Variants in BEX2 observed in about 807,000 individuals in gnomAD.
The protein encoded by BEX2 is brain expressed X-linked 2.
Under a neutral mutation model 4.1 loss-of-function variants are expected in BEX2, and 2 were observed. The observed-to-expected ratio is 0.49, with a 90% CI of 0.20 to 1.53. The LOEUF is 1.53. Among genes scored for constraint, BEX2 ranks in the 40% most tolerant of loss-of-function variants. The probability of loss-of-function intolerance (pLI) is 0.23; values close to 1 mark genes in which losing one functional copy is unlikely to be tolerated. For missense variants in BEX2, 94 were observed against 99.9 expected (o/e 0.94, Z 0.25); for synonymous variants, 34 against 35.9 (o/e 0.95, Z 0.19).
rs752709902 is a variant in BEX2, at chrX:103,309,573, A to G, written c.*17T>C. On this transcript the variant is annotated 3_prime_UTR_variant, in exon 3 of 3. Coordinates refer to ENST00000372677, the MANE Select transcript of BEX2 (RefSeq NM_032621.4). ...AAGCAGGGGTCTCCCTATTAACTTC[A>G]GGGAAACCATCAGGATTCAGGGCAT... 4.1e-6 allele frequency: 5 copies of G among 1,207,390 alleles called. No individual in the cohort carries two copies. Among genetic ancestry groups the G allele is most frequent in the Non-Finnish European group, 5.6e-6 (5 of 892,876 alleles).
chrX:103,309,821 G>A lies in BEX2; in HGVS notation c.156C>T (p.Asn52=). Reference sequence around the variant, plus strand: ...GCTGCCTAACGCGGAACCGCCTACGGTTTCCTCTAGGCACACAGTATTCAC... The same window carrying A: ...GCTGCCTAACGCGGAACCGCCTACGATTTCCTCTAGGCACACAGTATTCAC... ...NVSEYCVPRG[N]RRRFRVRQPI... is the part of the protein sequence containing the mutation. The change falls in exon 3 of 3, where the codon AAC becomes AAT. Residue 52 remains asparagine, a synonymous_variant. Coordinates refer to ENST00000372677, the MANE Select transcript of BEX2 (RefSeq NM_032621.4). 4 of 1,212,044 alleles carry A rather than the reference G, an allele frequency of 3.3e-6. No homozygotes were observed. The highest frequency in any genetic ancestry group is 4.5e-6 in the Non-Finnish European group (4 of 895,595).
chrX:103,309,888 A>G lies in BEX2; in HGVS notation c.89T>C (p.Val30Ala), dbSNP rs1196645059. 5.0e-6 allele frequency: 6 copies of G among 1,211,241 alleles called. No individual in the cohort carries two copies. Among genetic ancestry groups the G allele is most frequent in the South Asian group, 3.5e-5 (2 of 56,935 alleles). ...ENDEKDEKEQ[V>A]ANKGEPLALP... ...GGCCAAGGGCTCCCCTTTATTAGCA[A>G]CTTGCTCCTTTTCATCTTTTTCATC... is the stretch of plus-strand genomic sequence containing the variant. Residue 30 changes from valine (V) to alanine (A), a missense_variant, in exon 3 of 3, where the codon GTT becomes GCT. Physicochemically the swap from Val to Ala is moderately conservative, Grantham distance 64. Transcript: ENST00000372677.
chrX:103,310,791 G>A (rs1036459512), intron 1 of BEX2, 69 bp downstream of exon 1: 1 of 465,231 alleles, frequency 2.1e-6, no homozygotes. Flanking sequence ...TGCTGCCCGG[G>A]GATGGGGCAT....
At chrX:103,310,812 G>T in intron 1 of BEX2, 48 bp downstream of exon 1, 1 of 413,667 alleles carries the variant, frequency 2.4e-6, no homozygotes, top group South Asian at 4.5e-5. Context: ...CCGCAGGCCG[G>T]GGCTGCTCCC....
chrX:103,310,075 C>A, intron 2 of BEX2, 94 bp from the exon 3 acceptor site: 2 of 1,028,710 alleles, frequency 1.9e-6, no homozygotes, highest in South Asian at 4.7e-5. Context: ...ATTCAGAGCC[C>A]TGGATTTCAA....
At chrX:103,310,623 G>A in intron 1 of BEX2, 190 bp from the exon 2 acceptor site, 1 of 1,155,547 alleles carries the variant, frequency 8.7e-7, no homozygotes, top group South Asian at 1.9e-5. Context: ...AGGGGTGTTG[G>A]AAAAGCTTGC....
intron 1 of BEX2, chrX:103,310,638 G>A: frequency 8.7e-7 from 1 of 1,153,063 alleles, no homozygotes; most frequent in South Asian, 1.9e-5. Flanking sequence ...GCTTGCGCTG[G>A]TGACGGAGGC....
chrX:103,310,852 T>A lies in BEX2; in HGVS notation c.-82+8A>T. ...ACCAACCCCAGGGACCCCCTCCGGG[T>A]CCCTTACCTGCTCCCCCTCCGCTTC... is the stretch of plus-strand genomic sequence containing the variant. On this transcript the variant is annotated splice_region_variant and intron_variant, in intron 1 of 2. Coordinates refer to ENST00000372677, the MANE Select transcript of BEX2 (RefSeq NM_032621.4). The A allele has an allele frequency of 2.9e-6, 1 of 341,019 alleles. No individual in the cohort carries two copies. The highest frequency in any genetic ancestry group is 4.9e-6 in the Non-Finnish European group (1 of 202,533). The allele number at this position is 341,019 out of a possible 1,213,427, so 28.1% of individuals were successfully genotyped here. A position where few individuals can be genotyped will look rare whatever the true frequency, so the allele number is the denominator to read the frequency against.
rs1926159258 is a variant in BEX2, at chrX:103,310,392, C to A, written c.-40G>T. On this transcript the variant is annotated 5_prime_UTR_variant, in exon 2 of 3. Coordinates refer to ENST00000372677, the MANE Select transcript of BEX2 (RefSeq NM_032621.4). ...TCCTTGCAGTCTCCTCCTCCCGATTCTCGACGTGAGGTGCGTCGCCGCAAC... is the reference window on the plus strand; with the variant it reads ...TCCTTGCAGTCTCCTCCTCCCGATTATCGACGTGAGGTGCGTCGCCGCAAC... 8.6e-7 allele frequency: 1 copy of A among 1,156,958 alleles called. No individual in the cohort carries two copies. Among genetic ancestry groups the A allele is most frequent in the South Asian group, 1.9e-5 (1 of 52,759 alleles).
chrX:103,309,863 G>A lies in BEX2; in HGVS notation c.114C>T (p.Ala38=), dbSNP rs746258517. The A allele has an allele frequency of 1.7e-6, 2 of 1,210,007 alleles. No homozygotes were observed. The highest frequency in any genetic ancestry group is 3.0e-5 in the East Asian group (1 of 33,728). ...EQVANKGEPL[A]LPLNVSEYCV... ...AGTATTCACTAACATTCAAAGGTAG[G>A]GCCAAGGGCTCCCCTTTATTAGCAA... The change falls in exon 3 of 3, where the codon GCC becomes GCT. Residue 38 remains alanine (A), a synonymous_variant. Transcript: ENST00000372677.
At chrX:103,310,610 A>C (rs1926173509) in intron 1 of BEX2, 177 bp from the exon 2 acceptor site, 5 of 1,153,663 alleles carry the variant, frequency 4.3e-6, no homozygotes, top group Non-Finnish European at 5.7e-6. Context: ...AGAAGGGCGG[A>C]GCAGGGGTGT....
In BEX2 at chrX:103,309,526, A is replaced by G. The variant is rs1295954075; in HGVS notation, c.*64T>C. 1 of 1,173,300 alleles carries G rather than the reference A, an allele frequency of 8.5e-7. No homozygotes were observed. Among genetic ancestry groups the G allele is most frequent in the African/African-American group, 1.8e-5 (1 of 56,622 alleles). Reference sequence around the variant, plus strand: ...ATCAAAACGTTTACGACAAAGGTACACCACAAATGTGTAAGTTTAGGAAGC... The same window carrying G: ...ATCAAAACGTTTACGACAAAGGTACGCCACAAATGTGTAAGTTTAGGAAGC... On this transcript the variant is annotated 3_prime_UTR_variant, in exon 3 of 3. Coordinates refer to ENST00000372677, the MANE Select transcript of BEX2 (RefSeq NM_032621.4).
At position 103,309,513 on chromosome X, in the gene BEX2, A is replaced by G; in HGVS notation, c.*77T>C. 1 of 1,150,537 alleles carries G rather than the reference A, an allele frequency of 8.7e-7. No individual in the cohort carries two copies. Among genetic ancestry groups the G allele is most frequent in the South Asian group, 2.1e-5 (1 of 47,624 alleles). The allele number at this position is 1,150,537 out of a possible 1,213,427, so 94.8% of individuals were successfully genotyped here. On this transcript the variant is annotated 3_prime_UTR_variant, in exon 3 of 3. Coordinates refer to ENST00000372677, the MANE Select transcript of BEX2 (RefSeq NM_032621.4). Reference sequence around the variant, plus strand: ...AGAAATAGGTAACATCAAAACGTTTACGACAAAGGTACACCACAAATGTGT... The same window carrying G: ...AGAAATAGGTAACATCAAAACGTTTGCGACAAAGGTACACCACAAATGTGT...
rs1219544156 is a variant in BEX2 at position 103,310,848 on chromosome X, C to T, written c.-82+12G>A. On this transcript the variant is annotated intron_variant, in intron 1 of 2. Transcript: ENST00000372677. ...CCACACCAACCCCAGGGACCCCCTC[C>T]GGGTCCCTTACCTGCTCCCCCTCCG... 8.6e-6 allele frequency: 3 copies of T among 349,319 alleles called. No homozygotes were observed. Among genetic ancestry groups the T allele is most frequent in the Non-Finnish European group, 1.4e-5 (3 of 208,130 alleles). The allele number at this position is 349,319 out of a possible 1,213,427, so 28.8% of individuals were successfully genotyped here.
Position 103,309,776 on chromosome X carries a change from C to G in BEX2, c.201G>C (p.Trp67Cys), listed in dbSNP as rs758952431. Reference protein sequence around the residue: ...RVRQPILQYRWDIMHRLGEPQ... With the variant: ...RVRQPILQYRCDIMHRLGEPQ... The stretch of plus-strand genomic sequence containing the variant: ...GCTCTCCAAGCCTATGCATTATGTC[C>G]CATCTATACTGCAGGATGGGCTGCC... Residue 67 changes from tryptophan to cysteine, a missense_variant, in exon 3 of 3, where the codon TGG becomes TGC. Trp to Cys is a radical substitution (Grantham distance 215). Coordinates refer to ENST00000372677, the MANE Select transcript of BEX2 (RefSeq NM_032621.4). The G allele has an allele frequency of 3.3e-6, 4 of 1,211,920 alleles. No homozygotes were observed. The highest frequency in any genetic ancestry group is 4.5e-6 in the Non-Finnish European group (4 of 895,590).
Position 103,309,937 on chromosome X carries a change from C to T in BEX2, c.40G>A (p.Val14Met). Residue 14 changes from valine to methionine, a missense_variant, in exon 3 of 3, where the codon GTG becomes ATG. Transcript: ENST00000372677. ...TCATTTTCCTGGTTGACATTTTCCA[C>T]GATGAGATTGTTTAACGCTCGTTCC... ...KEERALNNLIVENVNQENDEK... is the reference protein window; with the variant it reads ...KEERALNNLIMENVNQENDEK... 1 of 1,210,021 alleles carries T rather than the reference C, an allele frequency of 8.3e-7. No homozygotes were observed. The highest frequency in any genetic ancestry group is 1.1e-6 in the Non-Finnish European group (1 of 894,793).
intron 2 of BEX2, 77 bp from the exon 3 acceptor site, chrX:103,310,058 T>C (rs1472204649): frequency 1.7e-5 from 18 of 1,068,579 alleles, no homozygotes; most frequent in Non-Finnish European, 2.2e-5. Context: ...ACTACCCACC[T>C]TTCAAAATTC....
intron 2 of BEX2, 42 bp from the exon 3 acceptor site, chrX:103,310,023 G>C: frequency 8.7e-7 from 1 of 1,144,365 alleles, no homozygotes; most frequent in Non-Finnish European, 1.2e-6. Flanking sequence ...TTGGTGAACT[G>C]ATCAGCACCG....
Position 103,309,783 on chromosome X carries a change from T to C in BEX2, c.194A>G (p.Tyr65Cys), listed in dbSNP as rs370090246. ...AAGCCTATGCATTATGTCCCATCTA[T>C]ACTGCAGGATGGGCTGCCTAACGCG... ...RFRVRQPILQ[Y>C]RWDIMHRLGE... The change falls in exon 3 of 3, where the codon TAT becomes TGT. Residue 65 changes from tyrosine (Y) to cysteine (C), a missense_variant. Transcript: ENST00000372677. 321 of 1,210,363 alleles carry C rather than the reference T, an allele frequency of 2.7e-4. No individual in the cohort carries two copies. The highest frequency in any genetic ancestry group is 2.5e-4 in the Non-Finnish European group (222 of 895,333).
Sources: gnomAD v4.1 joint callset for allele counts on GRCh38, gnomAD v4.1.1 for gene constraint, MANE v1.5 for transcripts, NCBI Gene and HGNC (gene_info 2026-07-23, HGNC 2026-07-21) for gene names.